Variants in ABR observed in about 807,000 individuals in gnomAD.
ABR encodes active breakpoint cluster region-related protein.
In ABR, 35 loss-of-function variants were observed where a neutral mutation model predicts 107.2. That is an observed-to-expected ratio of 0.33 (90% CI 0.25 to 0.43). The LOEUF (loss-of-function observed/expected upper bound fraction) is 0.43. Ranked by LOEUF, ABR falls within the 20% of genes least tolerant of loss-of-function variation. ABR has a pLI of 1.00. For synonymous variants in ABR, 498 were observed against 462.0 expected (o/e 1.08, Z -1.00); for missense variants, 815 against 1,115.2 (o/e 0.73, Z 3.83).
Position 1,006,006 on chromosome 17 carries a change from T to C in ABR, c.*74A>G. ...TGGGTTTGGGAGTTTTCTATTGCAG[T>C]CTTTCAAGTCTGAGTTGGACCCCAG... On this transcript the variant is annotated 3_prime_UTR_variant, in exon 23 of 23. Transcript: ENST00000302538. 1 of 1,342,572 alleles carries C rather than the reference T, an allele frequency of 7.4e-7. No individual in the cohort carries two copies. The highest frequency in any genetic ancestry group is 1.0e-6 in the Non-Finnish European group (1 of 957,784). 83.2% of individuals were successfully genotyped at this position (1,342,572 alleles called of 1,614,324 possible).
At chr17:1,032,646 T>C (rs4968149) in intron 16 of ABR, among the ~76,000 whole-genome samples, 11,488 of 53,230 alleles carry the variant, frequency 0.22, 1,378 homozygotes, top group African/African-American at 0.37. Context: ...CAACCACCCG[T>C]GTCCGTGCTG....
intron 4 of ABR, among the ~76,000 whole-genome samples, chr17:1,088,690 A>C (rs9912838): frequency 6.6e-6 from 1 of 151,540 alleles, no homozygotes; most frequent in Non-Finnish European, 1.5e-5. Context: ...AGTTCAAGCG[A>C]TTCTCCCACC....
At chr17:1,061,459 C>T (rs2033915242) in intron 10 of ABR, among the ~76,000 whole-genome samples, 1 of 152,198 alleles carries the variant, frequency 6.6e-6, no homozygotes, top group Non-Finnish European at 1.5e-5. Context: ...CTTGCTTTCC[C>T]CTGTTCAAAG....
chr17:1,144,061 C>G (rs2040427370), intron 1 of ABR, among the ~76,000 whole-genome samples: 1 of 152,058 alleles, frequency 6.6e-6, no homozygotes, highest in South Asian at 2.1e-4. Flanking sequence ...GGCTGAGAAA[C>G]AGCTGAGCCA....
chr17:1,203,401 G>GA (rs1394088581), intron 1 of ABR, among the ~76,000 whole-genome samples: 2 of 12,636 alleles, frequency 1.6e-4, no homozygotes. Flanking sequence ...CGGGGCCCGC[G>GA]GGGGGCGGAG....
chr17:1,061,971 C>A (rs1407082940), intron 10 of ABR, among the ~76,000 whole-genome samples: 2 of 152,138 alleles, frequency 1.3e-5, no homozygotes, highest in African/African-American at 4.8e-5. Context: ...AATTCAGTAC[C>A]ATTTAAGCAA....
At chr17:1,208,812 C>T (rs1191451125) in intron 1 of ABR, among the ~76,000 whole-genome samples, 2 of 147,754 alleles carry the variant, frequency 1.4e-5, no homozygotes, top group Non-Finnish European at 3.0e-5. Flanking sequence ...GGCATGAACC[C>T]GGGAGGTGGA....
intron 1 of ABR, among the ~76,000 whole-genome samples, chr17:1,158,001 G>A (rs913999337): frequency 6.6e-6 from 1 of 152,206 alleles, no homozygotes; most frequent in Non-Finnish European, 1.5e-5. Context: ...ATGTACGTAT[G>A]TGTGTCGCGT....
intron 2 of ABR, among the ~76,000 whole-genome samples, chr17:1,102,167 C>T (rs2037943646): frequency 2.0e-5 from 3 of 152,176 alleles, no homozygotes; most frequent in Admixed American, 1.3e-4. Flanking sequence ...GCCAGGACAT[C>T]GCTCAGTCTC....
At chr17:1,123,835 C>T (rs1332333187) in intron 2 of ABR, among the ~76,000 whole-genome samples, 1 of 152,172 alleles carries the variant, frequency 6.6e-6, no homozygotes, top group East Asian at 1.9e-4. Context: ...ACTATTTGTA[C>T]CCTGAGCCCA....
At chr17:1,198,132 C>G (rs910179249) in intron 1 of ABR, among the ~76,000 whole-genome samples, 3 of 151,732 alleles carry the variant, frequency 2.0e-5, no homozygotes, top group African/African-American at 7.3e-5. Flanking sequence ...AATGAGGAAG[C>G]TGCCACAGAG....
intron 1 of ABR, among the ~76,000 whole-genome samples, chr17:1,177,480 C>T (rs2041956523): frequency 6.6e-6 from 1 of 152,210 alleles, no homozygotes; most frequent in Non-Finnish European, 1.5e-5. Flanking sequence ...CAACAGAACC[C>T]CCTAAGAGGC....
At chr17:1,098,354 G>A (rs1298324139) in intron 3 of ABR, among the ~76,000 whole-genome samples, 1 of 151,888 alleles carries the variant, frequency 6.6e-6, no homozygotes, top group African/African-American at 2.4e-5. Flanking sequence ...TGGGATTACA[G>A]GCTTGAGACA....
intron 2 of ABR, among the ~76,000 whole-genome samples, chr17:1,103,162 TC>T (rs1485159579): frequency 6.6e-6 from 1 of 152,122 alleles, no homozygotes; most frequent in Non-Finnish European, 1.5e-5. Flanking sequence ...CTTCACAAAT[TC>T]CAGGAACTGA....
chr17:1,143,372 A>G (rs1186446743), intron 1 of ABR, among the ~76,000 whole-genome samples: 55 of 416 alleles, frequency 0.13, 1 homozygote, highest in Non-Finnish European at 0.2. Flanking sequence ...CTCCTGGGGG[A>G]CAGCTCATTC....
intron 16 of ABR, among the ~76,000 whole-genome samples, chr17:1,043,421 G>A (rs1432329885): frequency 1.3e-5 from 2 of 151,832 alleles, no homozygotes; most frequent in African/African-American, 2.4e-5. Context: ...CATCTACCTC[G>A]GCCTCCCAAA....
intron 4 of ABR, among the ~76,000 whole-genome samples, chr17:1,090,570 C>T (rs377284430): frequency 3.9e-5 from 6 of 152,218 alleles, no homozygotes; most frequent in Admixed American, 1.3e-4. Context: ...GTCTGAAGCA[C>T]TCGGTGAGGT....
chr17:1,129,372 C>CTCTACTAAAAA (rs372685782), intron 1 of ABR, among the ~76,000 whole-genome samples: 78,688 of 151,528 alleles, frequency 0.52, 21,026 homozygotes, highest in Non-Finnish European at 0.58. Flanking sequence ...GCCATACTGG[C>CTCTACTAAAAA]TACAAAAAAA....
chr17:1,024,314 C>T (rs571423928), intron 16 of ABR, among the ~76,000 whole-genome samples: 94 of 152,294 alleles, frequency 6.2e-4, no homozygotes, highest in African/African-American at 2.2e-3. Context: ...AGGAGCCCGG[C>T]GTCTCCAGAC....
Sources: gnomAD v4.1 joint callset for allele counts (sites outside exome capture counted in the v4.1 genomes callset) on GRCh38, gnomAD v4.1.1 for gene constraint, MANE v1.5 for transcripts, NCBI Gene and HGNC (gene_info 2026-07-23, HGNC 2026-07-21) for gene names.